The following UBA2 variants were observed in gnomAD, a reference collection of about 807,000 sequenced individuals.
UBA2 encodes ubiquitin like modifier activating enzyme 2.
A neutral mutation model predicts 77.2 loss-of-function variants in UBA2; 11 were observed. That is an observed-to-expected ratio of 0.14 (90% CI 0.09 to 0.24). UBA2 has a LOEUF of 0.24. Among genes scored for constraint, UBA2 ranks in the 10% least tolerant of loss-of-function variants. The pLI is 1.00. For synonymous variants in UBA2, 278 were observed against 276.7 expected (o/e 1.00, Z -0.05); for missense variants, 487 against 781.7 (o/e 0.62, Z 4.50).
intron 12 of UBA2, among the ~76,000 whole-genome samples, chr19:34,457,742 A>G (rs1011549055): frequency 6.6e-6 from 1 of 152,186 alleles, no homozygotes; most frequent in African/African-American, 2.4e-5. Context: ...TAGTCACAAG[A>G]TAAAGGTTTG....
intron 3 of UBA2, 32 bp from the exon 4 acceptor site, chr19:34,433,316 T>C (rs1440669424): frequency 6.5e-7 from 1 of 1,533,344 alleles, no homozygotes; most frequent in African/African-American, 1.4e-5. Context: ...AGGCTAGTTA[T>C]TTTGGTGACC....
At chr19:34,446,273 A>G (rs1160867935) in intron 8 of UBA2, among the ~76,000 whole-genome samples, 1 of 152,166 alleles carries the variant, frequency 6.6e-6, no homozygotes, top group Non-Finnish European at 1.5e-5. Context: ...GACCTTAAGG[A>G]TATAATAACA....
rs1568389263 is a variant in UBA2 at position 34,469,247 on chromosome 19, T to C, written c.*26T>C. Reference sequence around the variant, plus strand: ...ACAGAAATGCCTCTAAACAGAACCCTCTTACTATTTAGTTTATCTGGGCAG... The same window carrying C: ...ACAGAAATGCCTCTAAACAGAACCCCCTTACTATTTAGTTTATCTGGGCAG... On this transcript the variant is annotated 3_prime_UTR_variant, in exon 17 of 17. Transcript: ENST00000246548. 6.6e-7 allele frequency: 1 copy of C among 1,517,380 alleles called. No individual in the cohort carries two copies. The highest frequency in any genetic ancestry group is 2.4e-5 in the East Asian group (1 of 42,404). The allele number at this position is 1,517,380 out of a possible 1,614,324, so 94.0% of individuals were successfully genotyped here. A position where few individuals can be genotyped will look rare whatever the true frequency, so the allele number is the denominator to read the frequency against.
At chr19:34,450,168 C>A in intron 8 of UBA2, 97 bp from the exon 9 acceptor site, 1 of 797,388 alleles carries the variant, frequency 1.3e-6, no homozygotes. Context: ...ATCTTTAAAT[C>A]AGATTTCATA....
intron 9 of UBA2, 56 bp downstream of exon 9, chr19:34,450,420 G>A (rs1032187545): frequency 8.1e-7 from 1 of 1,241,912 alleles, no homozygotes; most frequent in Non-Finnish European, 1.1e-6. Flanking sequence ...CTCGCGTAAA[G>A]TCTTTGTATA....
intron 4 of UBA2, among the ~76,000 whole-genome samples, chr19:34,433,725 C>A (rs2075279661): frequency 6.6e-6 from 1 of 152,104 alleles, no homozygotes. Flanking sequence ...TTTGAGAGAC[C>A]AAGGCAGGAG....
At chr19:34,437,786 G>A (rs1050607662) in intron 5 of UBA2, among the ~76,000 whole-genome samples, 1 of 152,026 alleles carries the variant, frequency 6.6e-6, no homozygotes, top group Non-Finnish European at 1.5e-5. Flanking sequence ...GGGCGCAGTG[G>A]CTCACGCCTG....
chr19:34,465,285 T>C (rs1240968151), intron 15 of UBA2, among the ~76,000 whole-genome samples: 1 of 152,108 alleles, frequency 6.6e-6, no homozygotes, highest in Non-Finnish European at 1.5e-5. Flanking sequence ...ACATGCATAG[T>C]GTTGGTGTGG....
At chr19:34,467,331 G>A (rs892018336) in intron 16 of UBA2, among the ~76,000 whole-genome samples, 3 of 151,852 alleles carry the variant, frequency 2.0e-5, no homozygotes, top group Admixed American at 6.6e-5. Context: ...AATTAACCAC[G>A]CATGGTAGCG....
chr19:34,454,147 T>G (rs2075533019), intron 10 of UBA2, 113 bp from the exon 11 acceptor site: 1 of 968,078 alleles, frequency 1.0e-6, no homozygotes, highest in African/African-American at 1.6e-5. Flanking sequence ...CAACCTCTTG[T>G]TCTAGTCGAA....
chr19:34,459,735 T>G (rs1397639153), intron 13 of UBA2, among the ~76,000 whole-genome samples: 1 of 152,172 alleles, frequency 6.6e-6, no homozygotes. Context: ...ATGCTACATA[T>G]TTACATGCCT....
intron 3 of UBA2, 22 bp from the exon 4 acceptor site, chr19:34,433,326 C>T (rs750341722): frequency 6.3e-7 from 1 of 1,589,806 alleles, no homozygotes; most frequent in Admixed American, 1.7e-5. Flanking sequence ...TTTTGGTGAC[C>T]TTTTTTTATT....
intron 12 of UBA2, among the ~76,000 whole-genome samples, chr19:34,456,119 T>G (rs1599923677): frequency 2.2e-5 from 3 of 139,254 alleles, no homozygotes; most frequent in East Asian, 4.5e-4. Flanking sequence ...TTTTTTTTTT[T>G]TTTTTGAGGT....
chr19:34,433,783 A>G (rs558043951), intron 4 of UBA2, among the ~76,000 whole-genome samples: 1 of 152,144 alleles, frequency 6.6e-6, no homozygotes, highest in South Asian at 2.1e-4. Context: ...AACATGGTGA[A>G]ACCGTCTCTA....
Position 34,466,801 on chromosome 19 carries a change from G to C in UBA2, c.1605-77G>C, listed in dbSNP as rs142218795. ...TTGGTGTATACATAGTGTATGCTTT[G>C]AGGAACAACAGGATTTCTCTGGTGC... is the stretch of plus-strand genomic sequence containing the variant. On this transcript the variant is annotated intron_variant, in intron 15 of 16. Coordinates refer to ENST00000246548, the MANE Select transcript of UBA2 (RefSeq NM_005499.3). The C allele has an allele frequency of 8.5e-4, 1,154 of 1,362,398 alleles. 2 individuals carry two copies. The African/African-American group carries it at 0.014, about 16-fold the overall frequency. 84.4% of individuals were successfully genotyped at this position (1,362,398 alleles called of 1,614,324 possible).
chr19:34,445,863 A>T (rs1233527444), intron 8 of UBA2, among the ~76,000 whole-genome samples: 1 of 152,088 alleles, frequency 6.6e-6, no homozygotes, highest in Non-Finnish European at 1.5e-5. Flanking sequence ...AGTAGTATAT[A>T]CTATTTGCCT....
In UBA2 at chr19:34,469,206, C is replaced by G; in HGVS notation, c.1908C>G (p.Val636=). 4 of 1,596,292 alleles carry G rather than the reference C, an allele frequency of 2.5e-6. No individual in the cohort carries two copies. Among genetic ancestry groups the G allele is most frequent in the Non-Finnish European group, 3.4e-6 (4 of 1,174,482 alleles). The part of the protein sequence containing the change: ...RIEQKEELDD[V]IALD ...AACAGAAGGAAGAGCTTGATGATGT[C>G]ATAGCATTAGATTGAACAGAAATGC... Residue 636 remains valine, a synonymous_variant, in exon 17 of 17, where the codon GTC becomes GTG. Coordinates refer to ENST00000246548, the MANE Select transcript of UBA2 (RefSeq NM_005499.3).
At chr19:34,444,907 A>G in intron 7 of UBA2, 93 bp from the exon 8 acceptor site, 3 of 1,353,190 alleles carry the variant, frequency 2.2e-6, no homozygotes, top group Non-Finnish European at 1.0e-6. Context: ...GGGGATTTCC[A>G]TGAGTGACTT....
chr19:34,431,328 C>T (rs2075253097), intron 2 of UBA2, among the ~76,000 whole-genome samples: 1 of 130,396 alleles, frequency 7.7e-6, no homozygotes, highest in African/African-American at 2.9e-5. Context: ...TCATGGCTTA[C>T]TGCAGCCTAG....
Sources: gnomAD v4.1 joint callset for allele counts (sites outside exome capture counted in the v4.1 genomes callset) on GRCh38, gnomAD v4.1.1 for gene constraint, MANE v1.5 for transcripts, NCBI Gene and HGNC (gene_info 2026-07-23, HGNC 2026-07-21) for gene names.